Variants in ITGBL1 observed in about 807,000 individuals in gnomAD.
The protein encoded by ITGBL1 is integrin beta-like protein 1.
Under a neutral mutation model 68.5 loss-of-function variants are expected in ITGBL1, and 51 were observed. The observed-to-expected ratio is 0.74, with a 90% confidence interval of 0.59 to 0.94. ITGBL1 has a LOEUF of 0.94. Among genes scored for constraint, ITGBL1 ranks in the 40% least tolerant of loss-of-function variants. The pLI is 0.00. For missense variants in ITGBL1, 649 were observed against 647.4 expected, an observed-to-expected ratio of 1.00 and a Z score of -0.03; for synonymous variants, 209 against 227.3, an observed-to-expected ratio of 0.92 and a Z score of 0.72.
chr13:101,703,980 C>G (rs1243529179), intron 8 of ITGBL1, among the ~76,000 whole-genome samples: 1 of 152,058 alleles, frequency 6.6e-6, no homozygotes, highest in Non-Finnish European at 1.5e-5. Flanking sequence ...CATCTGAGTG[C>G]AGGACTACTC....
chr13:101,557,530 A>G (rs969935007), intron 2 of ITGBL1, among the ~76,000 whole-genome samples: 2 of 152,236 alleles, frequency 1.3e-5, no homozygotes, highest in African/African-American at 4.8e-5. Flanking sequence ...TTAGAATTCT[A>G]GATGTGACTT....
Position 101,662,526 on chromosome 13 carries a change from A to G in ITGBL1, c.1016-30059A>G, listed in dbSNP as rs918095271. Among the ~76,000 whole-genome samples the G allele has an allele frequency of 3.4e-4, 51 of 152,208 alleles. 1 individual carries two copies. The East Asian group carries it at 4.1e-3, about 12-fold the overall frequency. On this transcript the variant is annotated intron_variant, in intron 7 of 10. Coordinates refer to ENST00000376180, the MANE Select transcript of ITGBL1 (RefSeq NM_004791.3). ...ATTTTCTGACTTTTTTCCATTACCA[A>G]TATAGACATAATCACATACATTTGG...
chr13:101,596,067 A>C (rs200393177), intron 6 of ITGBL1, among the ~76,000 whole-genome samples: 1 of 131,888 alleles, frequency 7.6e-6, no homozygotes, highest in African/African-American at 2.8e-5. Flanking sequence ...ATATATATAT[A>C]TCTATATATA....
At chr13:101,618,125 G>A (rs760339798) in intron 7 of ITGBL1, among the ~76,000 whole-genome samples, 5 of 152,056 alleles carry the variant, frequency 3.3e-5, no homozygotes, top group Non-Finnish European at 5.9e-5. Flanking sequence ...TTGAATCCAC[G>A]GACTTTGTTT....
At chr13:101,712,886 A>G (rs1389358454) in intron 9 of ITGBL1, 1 of 152,180 alleles carries the variant, frequency 6.6e-6, no homozygotes, top group Non-Finnish European at 1.5e-5. Flanking sequence ...TCCTTTGCAG[A>G]CTGACCTGGG....
intron 2 of ITGBL1, among the ~76,000 whole-genome samples, chr13:101,500,533 T>A (rs1323010847): frequency 6.6e-6 from 1 of 152,208 alleles, no homozygotes; most frequent in Non-Finnish European, 1.5e-5. Context: ...TCAAATTACA[T>A]GAATTTAAAA....
intron 2 of ITGBL1, among the ~76,000 whole-genome samples, chr13:101,469,693 A>T (rs564937934): frequency 7.8e-4 from 119 of 152,282 alleles, no homozygotes; most frequent in African/African-American, 2.8e-3. Context: ...TTCCATCTAT[A>T]AAAAAACAAA....
intron 6 of ITGBL1, among the ~76,000 whole-genome samples, chr13:101,597,561 GTTTTTTTT>G (rs1048697525): frequency 2.0e-5 from 3 of 147,408 alleles, no homozygotes; most frequent in African/African-American, 7.5e-5. Context: ...TTGTTTTTTT[GTTTTTTTT>G]GAGACGGAGT....
At chr13:101,465,157 CTG>C (rs2048366837) in intron 2 of ITGBL1, among the ~76,000 whole-genome samples, 1 of 152,098 alleles carries the variant, frequency 6.6e-6, no homozygotes, top group Non-Finnish European at 1.5e-5. Flanking sequence ...TATACTAAAA[CTG>C]TGCAAAGATA....
intron 6 of ITGBL1, among the ~76,000 whole-genome samples, chr13:101,592,414 G>A (rs555617531): frequency 6.6e-5 from 10 of 152,154 alleles, no homozygotes; most frequent in African/African-American, 9.6e-5. Flanking sequence ...ATCTGCGGTC[G>A]TGTCAAAAAT....
intron 2 of ITGBL1, among the ~76,000 whole-genome samples, chr13:101,535,879 A>G (rs1014516567): frequency 3.3e-5 from 5 of 152,120 alleles, no homozygotes; most frequent in African/African-American, 1.2e-4. Flanking sequence ...GTTAGGAACT[A>G]TAAGTTGAAT....
At chr13:101,519,260 C>A (rs1331216723) in intron 2 of ITGBL1, among the ~76,000 whole-genome samples, 1 of 152,122 alleles carries the variant, frequency 6.6e-6, no homozygotes, top group Non-Finnish European at 1.5e-5. Context: ...TACCCCAGGG[C>A]TGCCTGATAC....
chr13:101,539,830 T>G (rs1339567468), intron 2 of ITGBL1, among the ~76,000 whole-genome samples: 1 of 152,000 alleles, frequency 6.6e-6, no homozygotes. Context: ...TCATGTGTCT[T>G]TTGGCTGCAT....
At chr13:101,458,497 A>G (rs1465814438) in intron 2 of ITGBL1, among the ~76,000 whole-genome samples, 4 of 152,244 alleles carry the variant, frequency 2.6e-5, no homozygotes, top group Non-Finnish European at 5.9e-5. Context: ...ATTAAACAGC[A>G]TATAAGAGCT....
chr13:101,514,042 G>T (rs530882638), intron 2 of ITGBL1, among the ~76,000 whole-genome samples: 1 of 152,094 alleles, frequency 6.6e-6, no homozygotes, highest in African/African-American at 2.4e-5. Flanking sequence ...TGTGGCAATT[G>T]TGATAGTTAA....
chr13:101,560,829 A>T (rs1373080553), intron 2 of ITGBL1, among the ~76,000 whole-genome samples: 1 of 152,160 alleles, frequency 6.6e-6, no homozygotes, highest in Non-Finnish European at 1.5e-5. Context: ...GCTGTGTAGC[A>T]TCACAGGTTT....
chr13:101,672,729 GAGAC>G (rs574573787), intron 7 of ITGBL1, among the ~76,000 whole-genome samples: 1 of 152,176 alleles, frequency 6.6e-6, no homozygotes, highest in Non-Finnish European at 1.5e-5. Flanking sequence ...TCTCTGGCAA[GAGAC>G]AGACAGAGAC....
chr13:101,571,911 G>C (rs993166591), intron 3 of ITGBL1, among the ~76,000 whole-genome samples: 3 of 151,966 alleles, frequency 2.0e-5, no homozygotes, highest in Admixed American at 1.3e-4. Flanking sequence ...TCTTATGCTT[G>C]AGCATTTAGA....
intron 9 of ITGBL1, chr13:101,713,127 C>A (rs894051989): frequency 3.3e-5 from 5 of 152,178 alleles, no homozygotes; most frequent in African/African-American, 9.6e-5. Flanking sequence ...CAAGAAATGG[C>A]AAACATTTAA....
Sources: gnomAD v4.1 joint callset for allele counts (sites outside exome capture counted in the v4.1 genomes callset) on GRCh38, gnomAD v4.1.1 for gene constraint, MANE v1.5 for transcripts, NCBI Gene and HGNC (gene_info 2026-07-23, HGNC 2026-07-21) for gene names.